Variants in WDR59 observed in about 807,000 individuals in gnomAD.
WDR59 encodes WD repeat domain 59.
Under a neutral mutation model 131.2 loss-of-function variants are expected in WDR59, and 100 were observed. That is an observed-to-expected ratio of 0.76 (90% CI 0.65 to 0.90). The LOEUF is 0.90. WDR59 is among the 40% of genes least tolerant of loss of function. WDR59 has a pLI of 0.00. For missense variants in WDR59, 1,203 were observed against 1,262.2 expected (o/e 0.95, Z 0.71); for synonymous variants, 601 against 466.2 (o/e 1.29, Z -3.72).
chr16:74,906,381 A>G (rs1305200234), intron 17 of WDR59, among the ~76,000 whole-genome samples: 2 of 151,220 alleles, frequency 1.3e-5, no homozygotes, highest in African/African-American at 4.9e-5. Context: ...TGAAAGGACT[A>G]GCAATACCAA....
intron 3 of WDR59, among the ~76,000 whole-genome samples, chr16:74,955,798 C>CA (rs2033261773): frequency 6.6e-6 from 1 of 151,908 alleles, no homozygotes; most frequent in Non-Finnish European, 1.5e-5. Flanking sequence ...CAGCCCAATG[C>CA]AAAAAGAGCA....
intron 17 of WDR59, among the ~76,000 whole-genome samples, chr16:74,907,531 T>A (rs1171455932): frequency 3.3e-5 from 5 of 152,186 alleles, no homozygotes; most frequent in African/African-American, 1.2e-4. Context: ...CTGAGGCCTC[T>A]CCAGCCATGT....
intron 6 of WDR59, 112 bp downstream of exon 6, chr16:74,948,407 G>A (rs2032783362): frequency 1.3e-5 from 13 of 1,013,464 alleles, no homozygotes; most frequent in Non-Finnish European, 1.9e-5. Flanking sequence ...CCCAGACAGA[G>A]GCAGTTAGAG....
intron 1 of WDR59, among the ~76,000 whole-genome samples, chr16:74,968,675 A>C (rs1340930561): frequency 6.6e-6 from 1 of 152,140 alleles, no homozygotes; most frequent in Non-Finnish European, 1.5e-5. Flanking sequence ...CAGTAAGCTG[A>C]GATCTTGCCA....
intron 6 of WDR59, among the ~76,000 whole-genome samples, chr16:74,943,027 A>T (rs1373794192): frequency 2.0e-5 from 3 of 152,232 alleles, no homozygotes; most frequent in Non-Finnish European, 4.4e-5. Flanking sequence ...ACAGGATCAT[A>T]GTCACCTAAT....
intron 2 of WDR59, chr16:74,963,255 A>T (rs2033632504): frequency 6.6e-6 from 1 of 152,210 alleles, no homozygotes; most frequent in African/African-American, 2.4e-5. Flanking sequence ...CGTCTTCAAA[A>T]AAAAATACAA....
At chr16:74,974,597 G>A (rs932234414) in intron 1 of WDR59, among the ~76,000 whole-genome samples, 1 of 152,080 alleles carries the variant, frequency 6.6e-6, no homozygotes, top group African/African-American at 2.4e-5. Flanking sequence ...TGGATTTTAG[G>A]AGGGTTCCAC....
chr16:74,894,438 C>T (rs758166579), intron 18 of WDR59, among the ~76,000 whole-genome samples: 22 of 152,098 alleles, frequency 1.4e-4, no homozygotes, highest in Non-Finnish European at 2.8e-4. Context: ...GGCAAGTATT[C>T]GATTTCCCCA....
intron 1 of WDR59, among the ~76,000 whole-genome samples, chr16:74,971,708 C>G (rs1325193124): frequency 6.6e-6 from 1 of 152,016 alleles, no homozygotes; most frequent in Non-Finnish European, 1.5e-5. Flanking sequence ...GCAGGGATTA[C>G]AGGTGTGAGC....
chr16:74,885,248 T>C (rs756236690), intron 25 of WDR59, among the ~76,000 whole-genome samples: 17 of 151,600 alleles, frequency 1.1e-4, no homozygotes, highest in Non-Finnish European at 1.6e-4. Context: ...AGGTCAGGAG[T>C]TCGAGACCAG....
intron 7 of WDR59, among the ~76,000 whole-genome samples, chr16:74,941,388 C>A (rs549826979): frequency 6.8e-6 from 1 of 147,466 alleles, no homozygotes; most frequent in South Asian, 2.2e-4. Flanking sequence ...GAACAGAAGA[C>A]AAAAACTAAC....
At chr16:74,963,667 G>A (rs1388690115) in intron 2 of WDR59, among the ~76,000 whole-genome samples, 1 of 152,098 alleles carries the variant, frequency 6.6e-6, no homozygotes, top group African/African-American at 2.4e-5. Flanking sequence ...GGGTTGATAG[G>A]TGCAGCAAAC....
chr16:74,923,864 C>A (rs2030504442), intron 9 of WDR59, 62 bp downstream of exon 9: 1 of 1,428,420 alleles, frequency 7.0e-7, no homozygotes. Flanking sequence ...TGTCCCCGGG[C>A]TCCTTCTTTT....
chr16:74,976,172 A>G (rs2145236629), intron 1 of WDR59, among the ~76,000 whole-genome samples: 1 of 152,294 alleles, frequency 6.6e-6, no homozygotes, highest in East Asian at 1.9e-4. Context: ...AAACACACAG[A>G]TTATTAATTA....
intron 8 of WDR59, among the ~76,000 whole-genome samples, chr16:74,929,740 T>C (rs1035897546): frequency 2.0e-5 from 3 of 152,206 alleles, no homozygotes; most frequent in Non-Finnish European, 2.9e-5. Flanking sequence ...CCATATTTAT[T>C]GCAGTATTAC....
chr16:74,885,541 T>C (rs1964712670), intron 25 of WDR59, 112 bp downstream of exon 25: 1 of 1,322,490 alleles, frequency 7.6e-7, no homozygotes, highest in African/African-American at 1.5e-5. Flanking sequence ...GCCTCAGAAA[T>C]TTCTGCTTAG....
At chr16:74,952,462 A>AAAAAG (rs1403938816) in intron 3 of WDR59, among the ~76,000 whole-genome samples, 1 of 150,564 alleles carries the variant, frequency 6.6e-6, no homozygotes, top group Non-Finnish European at 1.5e-5. Flanking sequence ...AAAAAAAAAA[A>AAAAAG]AAAAGAAAAG....
chr16:74,923,924 A>G lies in WDR59; in HGVS notation c.729+2T>C, dbSNP rs1029302570. ...TATCAAGAGGCAGGGTGGCTCACTCACTGTGTATCTGGCCTTCCAGACAGG... is the reference window on the plus strand; with the variant it reads ...TATCAAGAGGCAGGGTGGCTCACTCGCTGTGTATCTGGCCTTCCAGACAGG... On this transcript the variant is annotated splice_donor_variant, in intron 9 of 25. Coordinates refer to ENST00000262144, the MANE Select transcript of WDR59 (RefSeq NM_030581.4). LOFTEE classifies it high-confidence loss of function. 1.2e-6 allele frequency: 2 copies of G among 1,613,316 alleles called. No individual in the cohort carries two copies. The highest frequency in any genetic ancestry group is 1.7e-6 in the Non-Finnish European group (2 of 1,179,882).
chr16:74,903,359 G>A (rs1254267400), intron 18 of WDR59, among the ~76,000 whole-genome samples: 1 of 152,046 alleles, frequency 6.6e-6, no homozygotes, highest in Non-Finnish European at 1.5e-5. Flanking sequence ...GGCACCAAGG[G>A]TTTCTGACAG....
Sources: gnomAD v4.1 joint callset for allele counts (sites outside exome capture counted in the v4.1 genomes callset) on GRCh38, gnomAD v4.1.1 for gene constraint, MANE v1.5 for transcripts, NCBI Gene and HGNC (gene_info 2026-07-23, HGNC 2026-07-21) for gene names.